The following DAGLB variants were observed in gnomAD, a reference collection of about 807,000 sequenced individuals.
DAGLB encodes diacylglycerol lipase beta.
DAGLB carries 66 observed loss-of-function variants against 72.1 expected under a neutral mutation model. That is an observed-to-expected ratio of 0.92 (90% CI 0.75 to 1.12). The LOEUF is 1.12. Among genes scored for constraint, DAGLB ranks in the 50% most tolerant of loss-of-function variants. The pLI is 0.00. For missense variants in DAGLB, 1,065 were observed against 884.9 expected (o/e 1.20, Z -2.58); for synonymous variants, 414 against 359.5 (o/e 1.15, Z -1.71).
At chr7:6,444,556 C>T (rs1407781493) in intron 2 of DAGLB, among the ~76,000 whole-genome samples, 2 of 151,970 alleles carry the variant, frequency 1.3e-5, no homozygotes, top group Non-Finnish European at 2.9e-5. Flanking sequence ...GAGCAGAGAG[C>T]ACGCCACTGC....
intron 13 of DAGLB, 54 bp downstream of exon 13, chr7:6,412,757 T>A: frequency 6.5e-7 from 1 of 1,545,694 alleles, no homozygotes; most frequent in South Asian, 1.2e-5. Context: ...CTCCACAGGA[T>A]CTCAGGGACA....
chr7:6,446,145 A>C (rs747601773), intron 1 of DAGLB, 41 bp from the exon 2 acceptor site: 5 of 1,576,490 alleles, frequency 3.2e-6, no homozygotes, highest in South Asian at 1.2e-5. Context: ...AATGAAATCC[A>C]AGGAGCTGCT....
intron 7 of DAGLB, among the ~76,000 whole-genome samples, chr7:6,425,217 G>C (rs1388461442): frequency 1.3e-5 from 2 of 152,212 alleles, no homozygotes; most frequent in Non-Finnish European, 1.5e-5. Flanking sequence ...GTGCCTATGA[G>C]AATCACCTGG....
intron 2 of DAGLB, among the ~76,000 whole-genome samples, chr7:6,444,144 C>T (rs933244887): frequency 2.6e-5 from 4 of 152,034 alleles, no homozygotes; most frequent in African/African-American, 7.2e-5. Flanking sequence ...TATGGTGGCA[C>T]GTGCCTGTAC....
intron 13 of DAGLB, 135 bp downstream of exon 13, chr7:6,412,676 C>G (rs576810069): frequency 4.0e-6 from 4 of 989,530 alleles, no homozygotes; most frequent in East Asian, 2.6e-5. Flanking sequence ...AGAATCTGAT[C>G]AGATGGTGGA....
rs767918877 is a variant in DAGLB, at chr7:6,447,835, C to G, written c.8G>C (p.Gly3Ala). The change falls in exon 1 of 15, where the codon GGG (glycine) becomes GCG (alanine). Residue 3 changes from glycine (G) to alanine (A), a missense_variant. Transcript: ENST00000297056. Reference sequence around the variant, plus strand: ...CCAGCGCCGGCCGAAGAGTACCATCCCCGGCATGGCGAAGGTCCCGTAGCT... The same window carrying G: ...CCAGCGCCGGCCGAAGAGTACCATCGCCGGCATGGCGAAGGTCCCGTAGCT... MP[G>A]MVLFGRRWAI... is the part of the protein sequence containing the mutation. 3.7e-6 allele frequency: 6 copies of G among 1,611,450 alleles called. No individual in the cohort carries two copies. The highest frequency in any genetic ancestry group is 3.4e-5 in the Admixed American group (2 of 59,676).
At chr7:6,419,054 ACTCTGTGTG>A (rs1784020626) in intron 9 of DAGLB, among the ~76,000 whole-genome samples, 2 of 136,302 alleles carry the variant, frequency 1.5e-5, no homozygotes, top group Admixed American at 1.5e-4. Context: ...AGGCTTCAAC[ACTCTGTGTG>A]CATTCAGATG....
At chr7:6,427,514 TG>T (rs766376220) in intron 6 of DAGLB, among the ~76,000 whole-genome samples, 1 of 152,152 alleles carries the variant, frequency 6.6e-6, no homozygotes, top group Non-Finnish European at 1.5e-5. Context: ...AAAAATTATC[TG>T]GGTCTGGCAG....
Position 6,412,203 on chromosome 7 carries a change from C to T in DAGLB, c.1569+608G>A, listed in dbSNP as rs143641071. Among the ~76,000 whole-genome samples the T allele has an allele frequency of 1.5e-3, 222 of 152,272 alleles. 2 individuals carry two copies. The Middle Eastern group carries it at 0.017, about 12-fold the overall frequency. The stretch of plus-strand genomic sequence containing the variant: ...GGCTGGGATTACAAGCGTGACCCAC[C>T]GCGCCTGGCCAGCAGACATAAATTT... On this transcript the variant is annotated intron_variant, in intron 13 of 14. Coordinates refer to ENST00000297056, the MANE Select transcript of DAGLB (RefSeq NM_139179.4).
chr7:6,433,577 C>T (rs992415424), intron 4 of DAGLB, among the ~76,000 whole-genome samples: 4 of 152,300 alleles, frequency 2.6e-5, no homozygotes, highest in South Asian at 4.1e-4. Flanking sequence ...CGATGACTCA[C>T]GCCTGTAATC....
At chr7:6,410,958 C>T (rs1236282065) in intron 13 of DAGLB, among the ~76,000 whole-genome samples, 2 of 145,696 alleles carry the variant, frequency 1.4e-5, no homozygotes, top group Non-Finnish European at 3.0e-5. Context: ...AATCTTGGCT[C>T]TCTGCAAGCT....
chr7:6,413,397 G>A (rs529475117), intron 11 of DAGLB, among the ~76,000 whole-genome samples: 6 of 152,260 alleles, frequency 3.9e-5, no homozygotes, highest in Admixed American at 2.0e-4. Context: ...TTGGGAGGCC[G>A]AGGCAGGCGG....
chr7:6,445,950 T>C lies in DAGLB; in HGVS notation c.247+3A>G. ...GTATCAAATAGAAAAGGCTACTTTTTACCTCTCATGCTGACACACATGATG... is the reference window on the plus strand; with the variant it reads ...GTATCAAATAGAAAAGGCTACTTTTCACCTCTCATGCTGACACACATGATG... On this transcript the variant is annotated splice_donor_region_variant and intron_variant, in intron 2 of 14. Transcript: ENST00000297056. The C allele has an allele frequency of 1.3e-6, 2 of 1,582,960 alleles. No individual in the cohort carries two copies. Among genetic ancestry groups the C allele is most frequent in the East Asian group, 2.2e-5 (1 of 44,612 alleles).
At chr7:6,436,841 G>A (rs1274088151) in intron 2 of DAGLB, among the ~76,000 whole-genome samples, 22 of 151,898 alleles carry the variant, frequency 1.4e-4, no homozygotes. Context: ...GAGGAAAAAA[G>A]GGGACTATTA....
At chr7:6,439,776 G>C (rs558586526) in intron 2 of DAGLB, among the ~76,000 whole-genome samples, 1 of 152,160 alleles carries the variant, frequency 6.6e-6, no homozygotes, top group Non-Finnish European at 1.5e-5. Flanking sequence ...ACTAGGCCGG[G>C]TGCGGTGGCT....
rs566728820 is a variant in DAGLB at position 6,428,676 on chromosome 7, G to A, written c.929+1804C>T. 3.9e-5 allele frequency among the ~76,000 whole-genome samples: 6 copies of A among 152,110 alleles called. No individual in the cohort carries two copies. In the South Asian group the frequency reaches 8.3e-4, roughly 21 times the overall value. ...TAATTTCTGTATTTTTAGTAGAGACGGGGTGTCACCGTGTTGGTCAGGATG... is the reference window on the plus strand; with the variant it reads ...TAATTTCTGTATTTTTAGTAGAGACAGGGTGTCACCGTGTTGGTCAGGATG... On this transcript the variant is annotated intron_variant, in intron 6 of 14. Coordinates refer to ENST00000297056, the MANE Select transcript of DAGLB (RefSeq NM_139179.4).
In DAGLB at chr7:6,430,481, A is replaced by G; in HGVS notation, c.928T>C (p.Cys310Arg). The change falls in exon 6 of 15, where the codon TGC (cysteine) becomes CGC (arginine). Residue 310 changes from cysteine to arginine, a missense_variant and splice_region_variant. Transcript: ENST00000297056. ...LTGLCRIGGD[C>R]CRSRTTDYDL... Reference sequence around the variant, plus strand: ...GAGGCTCAGACTGTGCCAACCCACCAGTCACCACCAATCCTGCACAGCCCC... The same window carrying G: ...GAGGCTCAGACTGTGCCAACCCACCGGTCACCACCAATCCTGCACAGCCCC... 6.5e-7 allele frequency: 1 copy of G among 1,539,198 alleles called. No individual in the cohort carries two copies. The highest frequency in any genetic ancestry group is 8.8e-7 in the Non-Finnish European group (1 of 1,135,864).
chr7:6,409,377 GCACC>G lies in DAGLB; in HGVS notation c.*456_*459del, dbSNP rs1280421576. 1 of 159,890 alleles carries G rather than the reference GCACC, an allele frequency of 6.3e-6. No individual in the cohort carries two copies. Among genetic ancestry groups the G allele is most frequent in the Non-Finnish European group, 1.4e-5 (1 of 72,354 alleles). The allele number at this position is 159,890 out of a possible 1,614,324, so 9.9% of individuals were successfully genotyped here. On this transcript the variant is annotated 3_prime_UTR_variant, in exon 15 of 15. Transcript: ENST00000297056. ...GACGCCCAGGAGAAAACCCCAGCCC[GCACC>G]CTCACCACAGTTCCATTTGTACATC...
Position 6,412,795 on chromosome 7 carries a change from C to T in DAGLB, c.1569+16G>A, listed in dbSNP as rs1479367397. On this transcript the variant is annotated intron_variant, in intron 13 of 14. Coordinates refer to ENST00000297056, the MANE Select transcript of DAGLB (RefSeq NM_139179.4). The stretch of plus-strand genomic sequence containing the variant: ...CCCCGTGTCCTGCTGACCCTCTCAA[C>T]AAGGCACCCGCTTACCTTGGGTTTA... The T allele has an allele frequency of 1.3e-6, 2 of 1,572,486 alleles. No homozygotes were observed. Among genetic ancestry groups the T allele is most frequent in the East Asian group, 2.3e-5 (1 of 43,466 alleles).
Sources: allele counts gnomAD v4.1 joint callset (sites outside exome capture counted in the v4.1 genomes callset), GRCh38; gene constraint gnomAD v4.1.1; transcripts MANE v1.5; gene names NCBI Gene and HGNC (gene_info 2026-07-23, HGNC 2026-07-21).